Variants in SYTL5 observed in about 807,000 individuals in gnomAD.
SYTL5 encodes the protein synaptotagmin-like protein 5.
Under a neutral mutation model 55.9 loss-of-function variants are expected in SYTL5, and 34 were observed. The ratio of observed to expected loss-of-function variants is 0.61; its 90% CI spans 0.46 to 0.81. SYTL5 has a LOEUF of 0.81. Among genes scored for constraint, SYTL5 ranks in the 30% least tolerant of loss-of-function variants. SYTL5 has a pLI of 0.00. For synonymous variants in SYTL5, 221 were observed against 188.7 expected (o/e 1.17, Z -1.40); for missense variants, 637 against 546.7 (o/e 1.17, Z -1.65).
chrX:37,962,221 C>T, the SYTL5 span, among the ~76,000 whole-genome samples: 40 of 110,504 alleles, frequency 3.6e-4, no homozygotes, highest in Non-Finnish European at 6.1e-4. Context: ...TATCCCTCCC[C>T]GCTCCCCCGA....
chrX:37,954,386 G>C, the SYTL5 span, among the ~76,000 whole-genome samples: 2 of 111,684 alleles, frequency 1.8e-5, no homozygotes, highest in African/African-American at 6.5e-5. Flanking sequence ...CCTGGATATG[G>C]GCATGAAGAA....
intron 7 of SYTL5, among the ~76,000 whole-genome samples, chrX:38,092,061 C>T (rs1936812874): frequency 8.9e-6 from 1 of 112,214 alleles, no homozygotes. Flanking sequence ...TTATGAAGTA[C>T]ATTTGCTCTT....
the SYTL5 span, chrX:37,949,410 C>T: frequency 8.9e-6 from 1 of 111,820 alleles, no homozygotes; most frequent in African/African-American, 3.2e-5. Context: ...ATTGAGGTAC[C>T]TCCAATGGTT....
chrX:37,996,676 G>A, the SYTL5 span, among the ~76,000 whole-genome samples: 7 of 112,156 alleles, frequency 6.2e-5, no homozygotes, highest in East Asian at 1.7e-3. Context: ...TGGCTTTACC[G>A]CAAGGCCTGG....
chrX:37,985,332 A>G, the SYTL5 span, among the ~76,000 whole-genome samples: 1 of 111,860 alleles, frequency 8.9e-6, no homozygotes, highest in Non-Finnish European at 1.9e-5. Context: ...ACGAGCATAA[A>G]TGTAAACAAA....
At chrX:37,903,509 A>T in the SYTL5 span, among the ~76,000 whole-genome samples, 1 of 93,982 alleles carries the variant, frequency 1.1e-5, no homozygotes, top group African/African-American at 4.0e-5. Context: ...ATGAGAACAC[A>T]TGGACACAGG....
At chrX:38,101,848 C>A (rs1339424206) in intron 9 of SYTL5, among the ~76,000 whole-genome samples, 1 of 105,025 alleles carries the variant, frequency 9.5e-6, no homozygotes, top group Admixed American at 1.0e-4. Flanking sequence ...GCCATTTTAT[C>A]ATGAAGGAGA....
intron 9 of SYTL5, among the ~76,000 whole-genome samples, chrX:38,101,065 G>A (rs1380936544): frequency 1.8e-5 from 2 of 110,914 alleles, no homozygotes; most frequent in African/African-American, 6.5e-5. Context: ...GCAATATTAA[G>A]CAAAAAAAGC....
the SYTL5 span, chrX:37,906,371 G>A: frequency 8.9e-6 from 1 of 112,102 alleles, no homozygotes; most frequent in Non-Finnish European, 1.9e-5. Flanking sequence ...ACCTTCACAT[G>A]TCCGAATGCG....
chrX:37,936,691 C>T, the SYTL5 span, among the ~76,000 whole-genome samples: 1 of 110,913 alleles, frequency 9.0e-6, no homozygotes, highest in Non-Finnish European at 1.9e-5. Context: ...GGTTATTCAC[C>T]CAACAGTTGA....
rs141712598 is a variant in SYTL5, at chrX:38,126,629, G to C, written c.2092G>C (p.Gly698Arg). ...GAACGTGGATTGGATGGACTCTCAG[G>C]GGGAAGAGCAGCGCCTTTGGCAGAA... The part of the protein sequence containing the change: ...GKNVDWMDSQ[G>R]EEQRLWQKMA... The change falls in exon 17 of 17, where the codon GGG (glycine) becomes CGG (arginine). Residue 698 changes from glycine (G) to arginine (R), a missense_variant. Gly to Arg is a moderately radical substitution (Grantham distance 125, BLOSUM62 -2). Coordinates refer to ENST00000297875, the MANE Select transcript of SYTL5 (RefSeq NM_138780.3). 8.3e-7 allele frequency: 1 copy of C among 1,211,275 alleles called. No homozygotes were observed. The highest frequency in any genetic ancestry group is 2.2e-5 in the Admixed American group (1 of 45,999).
At chrX:37,927,937 C>G in the SYTL5 span, among the ~76,000 whole-genome samples, 2 of 112,021 alleles carry the variant, frequency 1.8e-5, no homozygotes, top group African/African-American at 6.5e-5. Context: ...GGCTAATCCC[C>G]AAGATAACTT....
At chrX:37,918,856 C>T in the SYTL5 span, among the ~76,000 whole-genome samples, 1 of 111,015 alleles carries the variant, frequency 9.0e-6, no homozygotes, top group Non-Finnish European at 1.9e-5. Context: ...TTCACATTCT[C>T]ATTCCAGTCA....
At chrX:37,892,275 C>T in the SYTL5 span, among the ~76,000 whole-genome samples, 7 of 109,314 alleles carry the variant, frequency 6.4e-5, no homozygotes, top group Admixed American at 3.0e-4. Context: ...GTAAAGCACA[C>T]GACATTGGAG....
At chrX:37,922,370 A>G in the SYTL5 span, among the ~76,000 whole-genome samples, 1 of 112,003 alleles carries the variant, frequency 8.9e-6, no homozygotes, top group Non-Finnish European at 1.9e-5. Context: ...TATTCGGGAG[A>G]AAATCCCATA....
rs201092805 is a variant in SYTL5, at chrX:38,043,450, A to G, written c.119+9442A>G. On this transcript the variant is annotated intron_variant, in intron 2 of 16. Transcript: ENST00000297875. ...AATTGCATGAAATTTACATATACAT[A>G]CTGTATAAAATATCATAAACCTCAA... Among the ~76,000 whole-genome samples, 76 of 106,641 alleles carry G rather than the reference A, an allele frequency of 7.1e-4. 1 individual carries two copies. In the East Asian group the frequency reaches 0.022, roughly 31 times the overall value. The allele number at this position is 106,641 out of a possible 115,157, so 92.6% of individuals were successfully genotyped here.
the SYTL5 span, among the ~76,000 whole-genome samples, chrX:37,991,685 G>A: frequency 8.9e-6 from 1 of 111,892 alleles, no homozygotes; most frequent in African/African-American, 3.2e-5. Flanking sequence ...AAGGTCTGAA[G>A]TCAGAGGGCG....
chrX:38,053,165 C>A (rs995470210), intron 2 of SYTL5, among the ~76,000 whole-genome samples: 1 of 112,491 alleles, frequency 8.9e-6, no homozygotes, highest in Admixed American at 9.4e-5. Flanking sequence ...CCAACAGGGT[C>A]TAAGGCAGTG....
In SYTL5 at chrX:38,128,170, C is replaced by T. The variant is rs1021613388; in HGVS notation, c.*1440C>T. 1 of 112,397 alleles carries T rather than the reference C, an allele frequency of 8.9e-6. No individual in the cohort carries two copies. Among genetic ancestry groups the T allele is most frequent in the Admixed American group, 9.4e-5 (1 of 10,610 alleles). The allele number at this position is 112,397 out of a possible 1,213,427, so 9.3% of individuals were successfully genotyped here. Reference sequence around the variant, plus strand: ...AGAAGGAACCTCAGGCCCAGTTGCTCATTTTGCAGATTCCAAATGTGAATT... The same window carrying T: ...AGAAGGAACCTCAGGCCCAGTTGCTTATTTTGCAGATTCCAAATGTGAATT... On this transcript the variant is annotated 3_prime_UTR_variant, in exon 17 of 17. Transcript: ENST00000297875.
Sources: gnomAD v4.1 joint callset for allele counts (sites outside exome capture counted in the v4.1 genomes callset) on GRCh38, gnomAD v4.1.1 for gene constraint, MANE v1.5 for transcripts, NCBI Gene and HGNC (gene_info 2026-07-23, HGNC 2026-07-21) for gene names.